ZNF441: variants seen among roughly 807,000 people sequenced by gnomAD.
ZNF441 encodes the protein zinc finger protein 441.
ZNF441 carries 25 observed loss-of-function variants against 64.5 expected under a neutral mutation model. That is an observed-to-expected ratio of 0.39 (90% CI 0.28 to 0.54). The LOEUF (loss-of-function observed/expected upper bound fraction) is 0.54. Ranked by LOEUF, ZNF441 falls within the 20% of genes least tolerant of loss-of-function variation. The probability of loss-of-function intolerance (pLI) is 0.70; values close to 1 mark genes in which losing one functional copy is unlikely to be tolerated. For synonymous variants in ZNF441, 262 were observed against 268.0 expected (o/e 0.98, Z 0.22); for missense variants, 715 against 843.3 (o/e 0.85, Z 1.88).
rs1007391547 is a variant in ZNF441 at position 11,781,125 on chromosome 19, T to G, written c.1301T>G (p.Leu434Arg). ...AAAGCCTTCATTTGTTGCACTTACC[T>G]TCAAATACATGAAAGAATTCACACT... ...CGKAFICCTY[L>R]QIHERIHTGE... The change falls in exon 4 of 4, where the codon CTT becomes CGT. Residue 434 changes from leucine to arginine, a missense_variant. By Grantham distance (102) the Leu-to-Arg change is moderately radical (BLOSUM62 -2). Transcript: ENST00000357901. The G allele has an allele frequency of 6.2e-7, 1 of 1,614,064 alleles. No homozygotes were observed. The highest frequency in any genetic ancestry group is 8.5e-7 in the Non-Finnish European group (1 of 1,180,022).
rs1333312773 is a variant in ZNF441 at position 11,781,551 on chromosome 19, G to A, written c.1727G>A (p.Arg576Lys). ...KALSDLSSFR[R>K]HMITHTGNGP... is the part of the protein sequence containing the mutation. The stretch of plus-strand genomic sequence containing the variant: ...TTATCTGATCTCTCAAGCTTTCGAA[G>A]ACACATGATAACACATACTGGAAAT... Residue 576 changes from arginine to lysine, a missense_variant, in exon 4 of 4, where the codon AGA (arginine) becomes AAA (lysine). Physicochemically the swap from Arg to Lys is conservative, Grantham distance 26. Around this residue, in one of 2 missense-constraint regions of ZNF441, gnomAD observed 316 missense variants for 429.3 expected, o/e 0.74. Transcript: ENST00000357901. The A allele has an allele frequency of 6.2e-7, 1 of 1,613,806 alleles. No individual in the cohort carries two copies. Among genetic ancestry groups the A allele is most frequent in the Non-Finnish European group, 8.5e-7 (1 of 1,179,954 alleles).
chr19:11,767,291 G>C lies in ZNF441; in HGVS notation c.3+95G>C, dbSNP rs1025119878. Reference sequence around the variant, plus strand: ...GTGGTGGCACCAGGTCTTCCCCGCCGGCGACACCCTGGCGCAGCTCGGCCC... The same window carrying C: ...GTGGTGGCACCAGGTCTTCCCCGCCCGCGACACCCTGGCGCAGCTCGGCCC... On this transcript the variant is annotated intron_variant, in intron 1 of 3. Coordinates refer to ENST00000357901, the MANE Select transcript of ZNF441 (RefSeq NM_152355.3). This position sits in a 1 kb window ranked among gnomAD's most constrained non-coding sequence, Gnocchi z 5.1. 1.8e-5 allele frequency: 27 copies of C among 1,531,376 alleles called. No homozygotes were observed. Among genetic ancestry groups the C allele is most frequent in the Non-Finnish European group, 2.4e-5 (27 of 1,130,152 alleles). The allele number at this position is 1,531,376 out of a possible 1,614,324, so 94.9% of individuals were successfully genotyped here. A position where few individuals can be genotyped will look rare whatever the true frequency, so the allele number is the denominator to read the frequency against.
chr19:11,780,325 A>G lies in ZNF441; in HGVS notation c.501A>G (p.Lys167=), dbSNP rs1298001133. The change falls in exon 4 of 4, where the codon AAA becomes AAG. Residue 167 remains lysine (K), a synonymous_variant. Coordinates refer to ENST00000357901, the MANE Select transcript of ZNF441 (RefSeq NM_152355.3). The part of the protein sequence containing the change: ...QIHERPQHGK[K]LYDCKECASF... The stretch of plus-strand genomic sequence containing the variant: ...ATGAAAGACCTCAGCATGGAAAGAA[A>G]CTCTATGATTGTAAGGAATGTGCAA... 2.5e-6 allele frequency: 4 copies of G among 1,614,040 alleles called. No homozygotes were observed. Among genetic ancestry groups the G allele is most frequent in the East Asian group, 2.2e-5 (1 of 44,898 alleles).
At position 11,780,299 on chromosome 19, in the gene ZNF441, C is replaced by T. The variant is rs754304138; in HGVS notation, c.475C>T (p.His159Tyr). ...AFSYQPCFQI[H>Y]ERPQHGKKLY... ...CAGTTATCAGCCCTGCTTTCAAATA[C>T]ATGAAAGACCTCAGCATGGAAAGAA... Residue 159 changes from histidine (H) to tyrosine (Y), a missense_variant, in exon 4 of 4, where the codon CAT (histidine) becomes TAT (tyrosine). Physicochemically the swap from His to Tyr is moderately conservative, Grantham distance 83. This residue lies in a region of ZNF441 where 399 missense variants were observed against 413.9 expected (regional missense o/e 0.96). Transcript: ENST00000357901. 3 of 1,614,174 alleles carry T rather than the reference C, an allele frequency of 1.9e-6. No homozygotes were observed. The highest frequency in any genetic ancestry group is 2.2e-5 in the South Asian group (2 of 91,086).
chr19:11,774,303 A>G (rs1210181101), intron 1 of ZNF441, among the ~76,000 whole-genome samples: 1 of 152,198 alleles, frequency 6.6e-6, no homozygotes, highest in East Asian at 1.9e-4. Context: ...TAAGAAAACT[A>G]AAGAATTTCA....
At chr19:11,778,236 G>A in intron 2 of ZNF441, 94 bp from the exon 3 acceptor site, 1 of 862,856 alleles carries the variant, frequency 1.2e-6, no homozygotes. Flanking sequence ...AGTTTGGTGT[G>A]TGAATCATGC....
In ZNF441 at chr19:11,777,593, A is replaced by T; in HGVS notation, c.4-18A>T. 6.2e-7 allele frequency: 1 copy of T among 1,607,512 alleles called. No homozygotes were observed. ...TTCAGTTTTAATATTCCTCCTCTGC[A>T]CATGTGAAATATTTCAGGACTCAGT... is the stretch of plus-strand genomic sequence containing the variant. On this transcript the variant is annotated intron_variant, in intron 1 of 3. Transcript: ENST00000357901.
In ZNF441 at chr19:11,781,280, C is replaced by T; in HGVS notation, c.1456C>T (p.His486Tyr). The change falls in exon 4 of 4, where the codon CAT becomes TAT. Residue 486 changes from histidine to tyrosine, a missense_variant. His to Tyr is a moderately conservative substitution (Grantham distance 83). This residue lies in a region of ZNF441 where 316 missense variants were observed against 429.3 expected (regional missense o/e 0.74). Transcript: ENST00000357901. ...TAAGCAGTGTGGAAAAGCACTTTCT[C>T]ATCTGAAAAGCTTTCAGAGACACAT... ...ECKQCGKALS[H>Y]LKSFQRHMIM... is the part of the protein sequence containing the mutation. 1 of 1,612,030 alleles carries T rather than the reference C, an allele frequency of 6.2e-7. No homozygotes were observed. Among genetic ancestry groups the T allele is most frequent in the South Asian group, 1.1e-5 (1 of 90,992 alleles).
chr19:11,768,230 A>G (rs1975286179), intron 1 of ZNF441, among the ~76,000 whole-genome samples: 1 of 152,136 alleles, frequency 6.6e-6, no homozygotes, highest in East Asian at 1.9e-4. Flanking sequence ...CAGCAACTTT[A>G]TGAACTCCTT....
In ZNF441 at chr19:11,767,274, A is replaced by G. The variant is rs1014864181; in HGVS notation, c.3+78A>G. 1 of 1,546,280 alleles carries G rather than the reference A, an allele frequency of 6.5e-7. No homozygotes were observed. Among genetic ancestry groups the G allele is most frequent in the Non-Finnish European group, 8.8e-7 (1 of 1,142,710 alleles). ...ACCGGCCGGAACCGGCTGTGGTGGC[A>G]CCAGGTCTTCCCCGCCGGCGACACC... is the stretch of plus-strand genomic sequence containing the variant. On this transcript the variant is annotated intron_variant, in intron 1 of 3. Transcript: ENST00000357901. The surrounding 1 kb of genome is among the most constrained non-coding windows in gnomAD (Gnocchi z 5.1).
rs545015437 is a variant in ZNF441 at position 11,778,460 on chromosome 19, T to C, written c.194+67T>C. ...TTCATAGTATGCCAGAAATTTTATT[T>C]TATTTTGTTTGTTTTAGAGACAGTG... is the stretch of plus-strand genomic sequence containing the variant. On this transcript the variant is annotated intron_variant, in intron 3 of 3. Transcript: ENST00000357901. The C allele has an allele frequency of 5.9e-5, 75 of 1,272,482 alleles. No individual in the cohort carries two copies. In the African/African-American group the frequency reaches 1.1e-3, roughly 19 times the overall value. 78.8% of individuals were successfully genotyped at this position (1,272,482 alleles called of 1,614,324 possible).
At chr19:11,775,919 C>T (rs866147920) in intron 1 of ZNF441, among the ~76,000 whole-genome samples, 6 of 152,270 alleles carry the variant, frequency 3.9e-5, no homozygotes, top group Middle Eastern at 3.4e-3. Context: ...TGAGCCACCA[C>T]GCTCAGCCTG....
chr19:11,775,539 T>C (rs928834266), intron 1 of ZNF441, among the ~76,000 whole-genome samples: 39 of 151,442 alleles, frequency 2.6e-4, no homozygotes, highest in African/African-American at 8.7e-4. Context: ...CCGTGTTAGC[T>C]AGGATGGTCT....
At chr19:11,777,123 T>C (rs1975361422) in intron 1 of ZNF441, among the ~76,000 whole-genome samples, 1 of 152,192 alleles carries the variant, frequency 6.6e-6, no homozygotes, top group African/African-American at 2.4e-5. Context: ...GAGTGTTTTT[T>C]TCATGGCTTA....
chr19:11,768,890 A>G (rs1045875688), intron 1 of ZNF441, among the ~76,000 whole-genome samples: 1 of 152,222 alleles, frequency 6.6e-6, no homozygotes, highest in Admixed American at 6.5e-5. Context: ...GGAGAAAACT[A>G]TCCCTAAGGA....
In ZNF441 at chr19:11,781,224, A is replaced by C; in HGVS notation, c.1400A>C (p.Lys467Thr). The C allele has an allele frequency of 1.2e-6, 2 of 1,607,266 alleles. No individual in the cohort carries two copies. Among genetic ancestry groups the C allele is most frequent in the Non-Finnish European group, 1.7e-6 (2 of 1,177,698 alleles). ...TCCAATTACATTCGAGTACATGAAA[A>C]GACTCACACTGGAGAAAAGCCCTAT... ...RSSNYIRVHE[K>T]THTGEKPYEC... Residue 467 changes from lysine to threonine, a missense_variant, in exon 4 of 4, where the codon AAG (lysine) becomes ACG (threonine). Physicochemically the swap from Lys to Thr is moderately conservative, Grantham distance 78. Around this residue, in one of 2 missense-constraint regions of ZNF441, gnomAD observed 316 missense variants for 429.3 expected, o/e 0.74. Coordinates refer to ENST00000357901, the MANE Select transcript of ZNF441 (RefSeq NM_152355.3).
intron 1 of ZNF441, among the ~76,000 whole-genome samples, chr19:11,773,766 A>G (rs1046205751): frequency 4.5e-4 from 68 of 152,110 alleles, no homozygotes; most frequent in African/African-American, 1.6e-3. Flanking sequence ...TCAGTGTTCC[A>G]TATTTCTTTT....
chr19:11,773,070 T>C (rs1206074161), intron 1 of ZNF441, among the ~76,000 whole-genome samples: 3 of 152,132 alleles, frequency 2.0e-5, no homozygotes, highest in Admixed American at 6.6e-5. Context: ...GGATTACAGG[T>C]GTGAGCCACT....
chr19:11,767,903 C>T lies in ZNF441; in HGVS notation c.3+707C>T, dbSNP rs957787900. Among the ~76,000 whole-genome samples the T allele has an allele frequency of 6.6e-6, 1 of 152,164 alleles. No homozygotes were observed. Among genetic ancestry groups the T allele is most frequent in the African/African-American group, 2.4e-5 (1 of 41,444 alleles). On this transcript the variant is annotated intron_variant, in intron 1 of 3. Coordinates refer to ENST00000357901, the MANE Select transcript of ZNF441 (RefSeq NM_152355.3). The surrounding 1 kb of genome is among the most constrained non-coding windows in gnomAD (Gnocchi z 5.1). The stretch of plus-strand genomic sequence containing the variant: ...CCGCGAGGCAGCGGGGCTGAGGGCA[C>T]CTGGTTAATATCTAACTGCAATCTC...
Sources: gnomAD v4.1 joint callset for allele counts (sites outside exome capture counted in the v4.1 genomes callset) on GRCh38, gnomAD v4.1.1 for gene constraint, gnomAD v4.1.1 regional missense constraint, Gnocchi (gnomAD v3.1) non-coding constraint, MANE v1.5 for transcripts, NCBI Gene and HGNC (gene_info 2026-07-23, HGNC 2026-07-21) for gene names.